CADM2: variants seen among roughly 807,000 people sequenced by gnomAD.
The protein encoded by CADM2 is cell adhesion molecule 2.
In CADM2, 12 loss-of-function variants were observed where a neutral mutation model predicts 49.8. The ratio of observed to expected loss-of-function variants is 0.24; its 90% CI spans 0.15 to 0.39. The LOEUF (loss-of-function observed/expected upper bound fraction) is 0.39, where lower values mean the gene tolerates loss of function less well. Among genes scored for constraint, CADM2 ranks in the 10% least tolerant of loss-of-function variants. CADM2 has a pLI of 1.00. For missense variants in CADM2, 378 were observed against 492.3 expected (o/e 0.77, Z 2.20); for synonymous variants, 214 against 175.4 (o/e 1.22, Z -1.74).
At chr3:85,953,685 A>T (rs1723715217) in intron 7 of CADM2, among the ~76,000 whole-genome samples, 1 of 151,022 alleles carries the variant, frequency 6.6e-6, no homozygotes, top group South Asian at 2.1e-4. Context: ...TGAATATAAT[A>T]CCACAGAGCA....
intron 1 of CADM2, among the ~76,000 whole-genome samples, chr3:85,415,299 G>A (rs1372924371): frequency 6.6e-6 from 1 of 151,786 alleles, no homozygotes; most frequent in East Asian, 1.9e-4. Flanking sequence ...TATATTTCCG[G>A]GTTCCCCTAC....
At chr3:85,819,060 G>A (rs1290357247) in intron 3 of CADM2, among the ~76,000 whole-genome samples, 1 of 152,044 alleles carries the variant, frequency 6.6e-6, no homozygotes, top group East Asian at 1.9e-4. Context: ...GCAGCCTTCA[G>A]TCTGTGACCA....
At chr3:86,026,681 C>A (rs531700470) in intron 8 of CADM2, among the ~76,000 whole-genome samples, 39 of 152,228 alleles carry the variant, frequency 2.6e-4, no homozygotes, top group Middle Eastern at 3.4e-3. Context: ...CTCTTTCATT[C>A]TCATGTTGTA....
chr3:85,011,085 G>C (rs893631449), intron 1 of CADM2, among the ~76,000 whole-genome samples: 35 of 151,498 alleles, frequency 2.3e-4, no homozygotes, highest in African/African-American at 8.0e-4. Flanking sequence ...AGGATGGTCT[G>C]GATCTCCTGA....
Position 85,805,151 on chromosome 3 carries a change from C to G in CADM2, c.238+2955C>G, listed in dbSNP as rs556540180. ...TGTAGACTGGGTTTCACCATGTTAT[C>G]CAGGCTAGGCTGCAACTCCTGAGCT... On this transcript the variant is annotated intron_variant, in intron 3 of 9. Transcript: ENST00000383699. Among the ~76,000 whole-genome samples, 5 of 152,082 alleles carry G rather than the reference C, an allele frequency of 3.3e-5. No homozygotes were observed. In the South Asian group the frequency reaches 1.0e-3, roughly 32 times the overall value.
At chr3:85,233,997 A>G (rs2042356900) in intron 1 of CADM2, among the ~76,000 whole-genome samples, 1 of 152,070 alleles carries the variant, frequency 6.6e-6, no homozygotes, top group Non-Finnish European at 1.5e-5. Context: ...TATGTCAAGC[A>G]CTCTTCTGAA....
intron 1 of CADM2, among the ~76,000 whole-genome samples, chr3:85,161,790 G>A (rs1390385178): frequency 6.6e-6 from 1 of 152,076 alleles, no homozygotes; most frequent in Non-Finnish European, 1.5e-5. Flanking sequence ...GGCCGAGGTG[G>A]GCGGATCACT....
intron 1 of CADM2, among the ~76,000 whole-genome samples, chr3:85,108,354 A>G (rs529424553): frequency 6.6e-6 from 1 of 152,336 alleles, no homozygotes; most frequent in African/African-American, 2.4e-5. Flanking sequence ...ATATAATGTA[A>G]TGTTAGCCTT....
intron 2 of CADM2, among the ~76,000 whole-genome samples, chr3:85,744,535 A>T (rs2068530834): frequency 7.0e-6 from 1 of 143,602 alleles, no homozygotes; most frequent in Non-Finnish European, 1.5e-5. Flanking sequence ...GATAAATAAT[A>T]AATAAATAAA....
chr3:85,121,935 G>A (rs796332879), intron 1 of CADM2, among the ~76,000 whole-genome samples: 17 of 151,370 alleles, frequency 1.1e-4, no homozygotes, highest in African/African-American at 4.1e-4. Context: ...ATTTATCTTC[G>A]CTATCTTATC....
intron 1 of CADM2, among the ~76,000 whole-genome samples, chr3:85,163,778 T>C (rs2040395076): frequency 6.6e-6 from 1 of 152,054 alleles, no homozygotes; most frequent in African/African-American, 2.4e-5. Flanking sequence ...GAGATGTAAT[T>C]CACATATCAT....
At chr3:85,573,157 TTTTA>T (rs34809115) in intron 1 of CADM2, among the ~76,000 whole-genome samples, 45,552 of 138,828 alleles carry the variant, frequency 0.33, 7,725 homozygotes, top group African/African-American at 0.38. Context: ...AACGTGCTTA[TTTTA>T]TTTATTTATT....
At chr3:85,869,331 A>G (rs1385581952) in intron 3 of CADM2, among the ~76,000 whole-genome samples, 1 of 151,974 alleles carries the variant, frequency 6.6e-6, no homozygotes, top group Non-Finnish European at 1.5e-5. Context: ...TTTTTTTTAG[A>G]AAAGTAGTCA....
chr3:85,047,148 C>A (rs1206585561), intron 1 of CADM2, among the ~76,000 whole-genome samples: 1 of 152,104 alleles, frequency 6.6e-6, no homozygotes, highest in African/African-American at 2.4e-5. Context: ...GCAGTAAACC[C>A]CATCCAAATT....
chr3:85,238,242 G>T (rs1368088169), intron 1 of CADM2, among the ~76,000 whole-genome samples: 1 of 151,908 alleles, frequency 6.6e-6, no homozygotes, highest in African/African-American at 2.4e-5. Flanking sequence ...GTATCAGTGT[G>T]CCATATTTAC....
At chr3:86,066,074 G>C (rs539488033) in intron 9 of CADM2, among the ~76,000 whole-genome samples, 2 of 152,078 alleles carry the variant, frequency 1.3e-5, no homozygotes, top group Admixed American at 6.5e-5. Flanking sequence ...CATCTGTGTA[G>C]CCATATTTAG....
intron 1 of CADM2, among the ~76,000 whole-genome samples, chr3:85,349,963 T>C (rs763881936): frequency 6.6e-6 from 1 of 152,212 alleles, no homozygotes; most frequent in Non-Finnish European, 1.5e-5. Flanking sequence ...TGCCTGCTGA[T>C]GTTTCATTGA....
At chr3:85,570,272 G>A (rs1401180368) in intron 1 of CADM2, among the ~76,000 whole-genome samples, 1 of 152,026 alleles carries the variant, frequency 6.6e-6, no homozygotes, top group African/African-American at 2.4e-5. Flanking sequence ...GATCCCAACA[G>A]AAGCTTAAAT....
intron 1 of CADM2, among the ~76,000 whole-genome samples, chr3:85,123,740 T>C (rs2038939524): frequency 6.6e-6 from 1 of 152,204 alleles, no homozygotes; most frequent in African/African-American, 2.4e-5. Flanking sequence ...TTTAAATCTG[T>C]CCTTCTATGC....
Sources: gnomAD v4.1 joint callset for allele counts (sites outside exome capture counted in the v4.1 genomes callset) on GRCh38, gnomAD v4.1.1 for gene constraint, MANE v1.5 for transcripts, NCBI Gene and HGNC (gene_info 2026-07-23, HGNC 2026-07-21) for gene names.